The following ZNF232 variants were observed in gnomAD, a reference collection of about 807,000 sequenced individuals.
ZNF232 encodes the protein zinc finger and SCAN domain-containing protein 11.
In ZNF232, 25 loss-of-function variants were observed where a neutral mutation model predicts 25.2. The ratio of observed to expected loss-of-function variants is 0.99; its 90% CI spans 0.72 to 1.39. ZNF232 has a LOEUF of 1.39. Ranked by LOEUF, ZNF232 falls within the 40% of genes most tolerant of loss-of-function variation. ZNF232 has a pLI of 0.00. For missense variants in ZNF232, 519 were observed against 520.9 expected (o/e 1.00, Z 0.04); for synonymous variants, 193 against 182.9 (o/e 1.06, Z -0.45).
chr17:5,106,817 C>G (rs2072271476), intron 3 of ZNF232, among the ~76,000 whole-genome samples: 2 of 151,834 alleles, frequency 1.3e-5, no homozygotes, highest in South Asian at 4.2e-4. Flanking sequence ...TAGGATTTTT[C>G]ATATTTTCAA....
upstream of ZNF232, among the ~76,000 whole-genome samples, chr17:5,115,467 C>T (rs1377285517): frequency 6.6e-6 from 1 of 151,982 alleles, no homozygotes; most frequent in Non-Finnish European, 1.5e-5. Flanking sequence ...GGGACAACAG[C>T]TTTAACCCGG....
chr17:5,109,742 C>T, exon 2 of ZNF232: 4 of 1,614,214 alleles, frequency 2.5e-6, no homozygotes, highest in South Asian at 1.1e-5. Flanking sequence ...GTCCCATCAT[C>T]ATCATCTTCT....
At chr17:5,109,655 G>A in exon 2 of ZNF232, 2 of 1,614,194 alleles carry the variant, frequency 1.2e-6, no homozygotes, top group Non-Finnish European at 1.7e-6. Flanking sequence ...TGAAGCGTTG[G>A]CGGAAGATCT....
At chr17:5,119,930 C>T (rs2072614618) in intron 1 of ZNF232, among the ~76,000 whole-genome samples, 2 of 152,042 alleles carry the variant, frequency 1.3e-5, no homozygotes, top group African/African-American at 4.8e-5. Context: ...TTGTATCCAC[C>T]CCACCTCTCT....
At chr17:5,109,528 G>A (rs754678643) in exon 2 of ZNF232, 2 of 1,614,216 alleles carry the variant, frequency 1.2e-6, no homozygotes, top group East Asian at 2.2e-5. Flanking sequence ...TCCAGCACCA[G>A]GAACTCCAGG....
intron 1 of ZNF232, chr17:5,111,493 C>G: frequency 2.1e-6 from 1 of 481,978 alleles, no homozygotes; most frequent in Non-Finnish European, 3.7e-6. Flanking sequence ...ACCCCGGCCT[C>G]GGGCAGGTGC....
In ZNF232 at chr17:5,109,327, C is replaced by T. The variant is rs145816264; in HGVS notation, c.498+67G>A. 3.5e-3 allele frequency: 5,604 copies of T among 1,584,444 alleles called. 39 individuals carry two copies. The highest frequency in any genetic ancestry group is 0.034 in the Middle Eastern group (204 of 6,024). ...TTGAACTTGGCACCTCCCCCTACAG[C>T]TGCCCCTCGGTCCAGCCTGAAGGTC... On this transcript the variant is annotated intron_variant, in intron 2 of 3. Coordinates refer to ENST00000575898, the Ensembl canonical transcript of ZNF232.
intron 1 of ZNF232, among the ~76,000 whole-genome samples, chr17:5,118,681 G>T (rs578012181): frequency 6.6e-6 from 1 of 152,322 alleles, no homozygotes; most frequent in Admixed American, 6.5e-5. Context: ...AAAAGAATGA[G>T]GTTGTGTGGA....
chr17:5,109,321 C>T (rs545097193), intron 2 of ZNF232, 73 bp downstream of exon 2: 1 of 1,574,440 alleles, frequency 6.4e-7, no homozygotes, highest in Non-Finnish European at 8.7e-7. Context: ...GCACCTCCCC[C>T]TACAGCTGCC....
upstream of ZNF232, chr17:5,116,668 C>T (rs553437998): frequency 6.6e-6 from 1 of 152,338 alleles, no homozygotes; most frequent in South Asian, 2.1e-4. Flanking sequence ...CTGGGAGACC[C>T]AAGACTGTAC....
At position 5,105,949 on chromosome 17, in the gene ZNF232, G is replaced by A. The variant is rs930622978; in HGVS notation, c.1183C>T (p.Gln395Ter). 11 of 1,614,012 alleles carry A rather than the reference G, an allele frequency of 6.8e-6. No individual in the cohort carries two copies. In the African/African-American group the frequency reaches 9.3e-5, roughly 14 times the overall value. The change falls in exon 4 of 4, where the codon CAG becomes TAG. Residue 395 changes from glutamine (Q) to a stop codon, truncating the protein, a stop_gained. Coordinates refer to ENST00000575898, the Ensembl canonical transcript of ZNF232. LOFTEE classifies it low-confidence loss of function (END_TRUNC). ...TCTCCACTGTGAATTCTCCGATGCTGACTTAGATATGAGCTTTGACTAAAG... is the reference window on the plus strand; with the variant it reads ...TCTCCACTGTGAATTCTCCGATGCTAACTTAGATATGAGCTTTGACTAAAG...
At chr17:5,122,791 G>T (rs2072731208) in intron 1 of ZNF232, among the ~76,000 whole-genome samples, 2 of 152,360 alleles carry the variant, frequency 1.3e-5, no homozygotes. Context: ...TAGGGCGAGG[G>T]GTCGGGGCCG....
At chr17:5,123,058 C>G (rs896625010) in exon 1 of ZNF232, 1 of 153,254 alleles carries the variant, frequency 6.5e-6, no homozygotes, top group African/African-American at 2.4e-5. Context: ...TGGACCTGGG[C>G]TGGATCCTTA....
upstream of ZNF232, chr17:5,111,856 C>A (rs77618631): frequency 3.3e-3 from 5,287 of 1,613,502 alleles, 118 homozygotes; most frequent in African/African-American, 0.036. Flanking sequence ...CACTTACAGC[C>A]CTCACCCCAG....
chr17:5,116,273 C>T (rs1483359077), upstream of ZNF232, among the ~76,000 whole-genome samples: 2 of 151,956 alleles, frequency 1.3e-5, no homozygotes, highest in African/African-American at 2.4e-5. Flanking sequence ...CTCCCGGCCC[C>T]GCTCCGGGCG....
exon 4 of ZNF232, chr17:5,106,321 G>A (rs2072260158): frequency 3.7e-6 from 6 of 1,614,178 alleles, no homozygotes; most frequent in Non-Finnish European, 5.1e-6. Flanking sequence ...TCCTGGGCAG[G>A]GGACCACCTC....
intron 1 of ZNF232, among the ~76,000 whole-genome samples, chr17:5,119,772 A>C (rs954633710): frequency 1.4e-4 from 22 of 152,156 alleles, no homozygotes; most frequent in Non-Finnish European, 2.8e-4. Context: ...CCAGCACTAC[A>C]AGTGACTCAC....
chr17:5,114,228 C>G (rs75303931), upstream of ZNF232: 1 of 152,174 alleles, frequency 6.6e-6, no homozygotes, highest in East Asian at 1.9e-4. Flanking sequence ...CTTCCACGCT[C>G]GCTACATTCC....
At chr17:5,113,323 T>G (rs751822228), upstream of ZNF232, 4 of 149,240 alleles carry the variant, frequency 2.7e-5, no homozygotes, top group Non-Finnish European at 4.4e-5. Context: ...TGAAATTGTC[T>G]TATTTAGTCT....
Sources: gnomAD v4.1 joint callset for allele counts (sites outside exome capture counted in the v4.1 genomes callset) on GRCh38, gnomAD v4.1.1 for gene constraint, MANE v1.5 for transcripts, NCBI Gene and HGNC (gene_info 2026-07-23, HGNC 2026-07-21) for gene names.